ALDOA: variants seen among roughly 807,000 people sequenced by gnomAD.
ALDOA encodes the protein aldolase, fructose-bisphosphate A.
Under a neutral mutation model 43.9 loss-of-function variants are expected in ALDOA, and 26 were observed. That is an observed-to-expected ratio of 0.59 (90% CI 0.43 to 0.82). The LOEUF (loss-of-function observed/expected upper bound fraction) is 0.82. Ranked by LOEUF, ALDOA falls within the 40% of genes least tolerant of loss-of-function variation. ALDOA has a pLI of 0.00. For missense variants in ALDOA, 498 were observed against 549.5 expected (o/e 0.91, Z 0.94); for synonymous variants, 258 against 222.6 (o/e 1.16, Z -1.42).
rs1267071413 is a variant in ALDOA, at chr16:30,070,173, T to C, written c.1218T>C (p.Ala406=). ...KYTPSGQAGA[A]ASESLFVSNH... ...CTCCGAGCGGTCAGGCTGGGGCTGC[T>C]GCCAGCGAGTCCCTCTTCGTCTCTA... Residue 406 remains alanine, a synonymous_variant, in exon 10 of 10, where the codon GCT becomes GCC. Coordinates refer to ENST00000642816, the MANE Select transcript of ALDOA (RefSeq NM_001243177.4). The C allele has an allele frequency of 1.2e-6, 2 of 1,614,020 alleles. No individual in the cohort carries two copies. Among genetic ancestry groups the C allele is most frequent in the Non-Finnish European group, 1.7e-6 (2 of 1,180,040 alleles).
intron 1 of ALDOA, 91 bp from the exon 2 acceptor site, chr16:30,066,794 T>C (rs993807027): frequency 7.1e-7 from 1 of 1,408,588 alleles, no homozygotes; most frequent in East Asian, 2.5e-5. Context: ...ACCTTTCCCA[T>C]ATCTGGGCCC....
At chr16:30,065,049 G>T (rs971597036), upstream of ALDOA, among the ~76,000 whole-genome samples, 1 of 152,242 alleles carries the variant, frequency 6.6e-6, no homozygotes, top group Non-Finnish European at 1.5e-5. Context: ...TTTCTGTGGC[G>T]CAGAGGACTA....
chr16:30,067,412 G>A, intron 3 of ALDOA, 38 bp from the exon 4 acceptor site: 1 of 1,613,844 alleles, frequency 6.2e-7, no homozygotes, highest in Non-Finnish European at 8.5e-7. Flanking sequence ...GGTTGGGAGT[G>A]GCAGGCTGAT....
At position 30,067,242 on chromosome 16, in the gene ALDOA, T is replaced by TA; in HGVS notation, c.151dup (p.Thr51AsnfsTer22). On this transcript the variant is annotated frameshift_variant, in exon 3 of 10. Coordinates refer to ENST00000642816, the MANE Select transcript of ALDOA (RefSeq NM_001243177.4). LOFTEE classifies it high-confidence loss of function. ...CTGTTTCCTGTATCCAGGAACTTGC[T>TA]ACTACCAGCACCATGCCCTACCAAT... 1 of 1,612,224 alleles carries TA rather than the reference T, an allele frequency of 6.2e-7. No homozygotes were observed. The highest frequency in any genetic ancestry group is 8.5e-7 in the Non-Finnish European group (1 of 1,179,986).
chr16:30,065,553 G>A (rs2072067817), upstream of ALDOA: 1 of 152,318 alleles, frequency 6.6e-6, no homozygotes, highest in South Asian at 2.1e-4. Context: ...CGCGGGATGT[G>A]GTCCGAGTCA....
At position 30,070,357 on chromosome 16, in the gene ALDOA, AT is replaced by A; in HGVS notation, c.*146del. The A allele has an allele frequency of 2.7e-6, 2 of 740,044 alleles. No individual in the cohort carries two copies. Among genetic ancestry groups the A allele is most frequent in the Non-Finnish European group, 4.7e-6 (2 of 426,346 alleles). The allele number at this position is 740,044 out of a possible 1,614,324, so 45.8% of individuals were successfully genotyped here. On this transcript the variant is annotated 3_prime_UTR_variant, in exon 10 of 10. Transcript: ENST00000642816. ...CAGTGGTGTGTGGTGTCGTCTGTGA[AT>A]GCTAAGTCCATCACCCTTTCCGGCA... is the stretch of plus-strand genomic sequence containing the variant.
At chr16:30,064,363 C>CCAGGGAGGGTGG (rs535505848), upstream of ALDOA, 109 of 398,790 alleles carry the variant, frequency 2.7e-4, 1 homozygote, top group East Asian at 3.7e-3. Flanking sequence ...AGAGAAGGAG[C>CCAGGGAGGGTGG]CAGGGAGGGT....
In ALDOA at chr16:30,069,896, AG is replaced by A; in HGVS notation, c.1029del (p.Lys343AsnfsTer5). 6.2e-7 allele frequency: 1 copy of A among 1,614,138 alleles called. No individual in the cohort carries two copies. Among genetic ancestry groups the A allele is most frequent in the South Asian group, 1.1e-5 (1 of 91,082 alleles). On this transcript the variant is annotated frameshift_variant, in exon 9 of 10. Coordinates refer to ENST00000642816, the MANE Select transcript of ALDOA (RefSeq NM_001243177.4). LOFTEE classifies it high-confidence loss of function. ...TCCATCAACCTCAATGCCATTAACA[AG>A]TGCCCCCTGCTGAAGCCCTGGGCCC... is the stretch of plus-strand genomic sequence containing the variant. Reference protein sequence around the residue: ...EASINLNAINKCPLLKPWALT... With the variant: ...EASINLNAINXCPLLKPWALT...
At position 30,069,519 on chromosome 16, in the gene ALDOA, G is replaced by A; in HGVS notation, c.807G>A (p.Lys269=). 1.2e-6 allele frequency: 2 copies of A among 1,614,098 alleles called. No individual in the cohort carries two copies. The highest frequency in any genetic ancestry group is 1.7e-6 in the Non-Finnish European group (2 of 1,180,032). ...TCCAGGTGCTGGCTGCTGTCTACAA[G>A]GCTCTGAGTGACCACCACATCTACC... The part of the protein sequence containing the change: ...VTEKVLAAVY[K]ALSDHHIYLE... The change falls in exon 8 of 10, where the codon AAG becomes AAA. Residue 269 remains lysine, a synonymous_variant. Coordinates refer to ENST00000642816, the MANE Select transcript of ALDOA (RefSeq NM_001243177.4).
chr16:30,068,518 A>G (rs557278844), intron 4 of ALDOA, 128 bp from the exon 5 acceptor site: 1 of 1,058,836 alleles, frequency 9.4e-7, no homozygotes, highest in African/African-American at 1.6e-5. Context: ...CGGGAGGATC[A>G]CTTGAGTCCA....
Position 30,070,024 on chromosome 16 carries a change from G to A in ALDOA, c.1156G>A (p.Ala386Thr). The change falls in exon 9 of 10, where the codon GCC becomes ACC. Residue 386 changes from alanine (A) to threonine (T), a missense_variant. Ala to Thr is a moderately conservative substitution (Grantham distance 58, BLOSUM62 0). Coordinates refer to ENST00000642816, the MANE Select transcript of ALDOA (RefSeq NM_001243177.4). ...TGCGCAGGAGGAGTATGTCAAGCGA[G>A]CCCTGGTAAGGATAGGCAGGAGGTG... is the stretch of plus-strand genomic sequence containing the variant. ...KAAQEEYVKR[A>T]LANSLACQGK... 2 of 1,613,786 alleles carry A rather than the reference G, an allele frequency of 1.2e-6. No homozygotes were observed. The highest frequency in any genetic ancestry group is 1.7e-5 in the Admixed American group (1 of 60,024).
chr16:30,069,529 G>A lies in ALDOA; in HGVS notation c.817G>A (p.Asp273Asn), dbSNP rs1295410010. Residue 273 changes from aspartate (D) to asparagine (N), a missense_variant, in exon 8 of 10, where the codon GAC becomes AAC. Coordinates refer to ENST00000642816, the MANE Select transcript of ALDOA (RefSeq NM_001243177.4). ...VLAAVYKALSDHHIYLEGTLL... is the reference protein window; with the variant it reads ...VLAAVYKALSNHHIYLEGTLL... ...GGCTGCTGTCTACAAGGCTCTGAGT[G>A]ACCACCACATCTACCTGGAAGGCAC... 7 of 1,614,084 alleles carry A rather than the reference G, an allele frequency of 4.3e-6. No individual in the cohort carries two copies. Among genetic ancestry groups the A allele is most frequent in the Non-Finnish European group, 5.1e-6 (6 of 1,180,018 alleles).
intron 9 of ALDOA, 40 bp downstream of exon 9, chr16:30,070,069 T>C (rs770507018): frequency 6.2e-7 from 1 of 1,613,600 alleles, no homozygotes; most frequent in Admixed American, 1.7e-5. Context: ...CCTGGGTGGA[T>C]GGGACTCGGA....
chr16:30,065,490 C>A (rs1464289700), upstream of ALDOA, among the ~76,000 whole-genome samples: 1 of 152,222 alleles, frequency 6.6e-6, no homozygotes, highest in Non-Finnish European at 1.5e-5. Context: ...GTCACGGCGC[C>A]CCAGAGCGCG....
Position 30,069,151 on chromosome 16 carries a change from G to A in ALDOA, c.703-155G>A. 4 of 1,325,680 alleles carry A rather than the reference G, an allele frequency of 3.0e-6. No homozygotes were observed. In the South Asian group the frequency reaches 4.9e-5, roughly 16 times the overall value. The allele number at this position is 1,325,680 out of a possible 1,614,324, so 82.1% of individuals were successfully genotyped here. On this transcript the variant is annotated intron_variant, in intron 6 of 9. Transcript: ENST00000642816. The stretch of plus-strand genomic sequence containing the variant: ...GAGGGGCCAAGGAGGGATGGTGGGT[G>A]GATCTGAGGCGGCTCTTGTCTCCTG...
chr16:30,066,772 C>A, intron 1 of ALDOA, 113 bp from the exon 2 acceptor site: 1 of 1,252,502 alleles, frequency 8.0e-7, no homozygotes, highest in Non-Finnish European at 1.1e-6. Context: ...TGCTGTGTGG[C>A]TTGAAGCACA....
intron 7 of ALDOA, 47 bp downstream of exon 7, chr16:30,069,436 C>T (rs1196870989): frequency 6.2e-7 from 1 of 1,613,916 alleles, no homozygotes; most frequent in Non-Finnish European, 8.5e-7. Context: ...GGCCGGGGAC[C>T]CTGGGGCTAA....
Position 30,066,502 on chromosome 16 carries a change from A to T in ALDOA, c.-13-383A>T, listed in dbSNP as rs553388837. The stretch of plus-strand genomic sequence containing the variant: ...TTCTTGCCCCGTAGGAACAGTGACG[A>T]TGGCAAAGCTTACCGCTTTCCTCGC... On this transcript the variant is annotated intron_variant, in intron 1 of 9. Coordinates refer to ENST00000642816, the MANE Select transcript of ALDOA (RefSeq NM_001243177.4). Among the ~76,000 whole-genome samples the T allele has an allele frequency of 2.0e-5, 3 of 152,352 alleles. No homozygotes were observed. In the East Asian group the frequency reaches 5.8e-4, roughly 29 times the overall value.
At position 30,066,983 on chromosome 16, in the gene ALDOA, G is replaced by T. The variant is rs765795855; in HGVS notation, c.86G>T (p.Ser29Ile). ...AMAFSFPPVASGQLHPQLGNT... is the reference protein window; with the variant it reads ...AMAFSFPPVAIGQLHPQLGNT... ...GCCTTTTCCTTTCCCCCAGTTGCCA[G>T]TGGGCAACTCCACCCTCAGCTGGGC... Residue 29 changes from serine to isoleucine, a missense_variant, in exon 2 of 10, where the codon AGT (serine) becomes ATT (isoleucine). Coordinates refer to ENST00000642816, the MANE Select transcript of ALDOA (RefSeq NM_001243177.4). 9.0e-6 allele frequency: 14 copies of T among 1,558,400 alleles called. No homozygotes were observed. The highest frequency in any genetic ancestry group is 1.2e-5 in the Non-Finnish European group (14 of 1,151,836).
Sources: allele counts gnomAD v4.1 joint callset (sites outside exome capture counted in the v4.1 genomes callset), GRCh38; gene constraint gnomAD v4.1.1; transcripts MANE v1.5; gene names NCBI Gene and HGNC (gene_info 2026-07-23, HGNC 2026-07-21).